Variants in SPAG17 observed in about 807,000 individuals in gnomAD.
SPAG17 encodes sperm-associated antigen 17.
A neutral mutation model predicts 273.6 loss-of-function variants in SPAG17; 169 were observed. The ratio of observed to expected loss-of-function variants is 0.62; its 90% CI spans 0.55 to 0.70. SPAG17 has a LOEUF of 0.70. Ranked by LOEUF, SPAG17 falls within the 30% of genes least tolerant of loss-of-function variation. The pLI is 0.00. For missense variants in SPAG17, 2,557 were observed against 2,627.8 expected (o/e 0.97, Z 0.59); for synonymous variants, 825 against 873.2 (o/e 0.94, Z 0.97).
intron 3 of SPAG17, among the ~76,000 whole-genome samples, chr1:118,117,775 A>G (rs910874002): frequency 6.6e-6 from 1 of 152,226 alleles, no homozygotes; most frequent in Admixed American, 6.5e-5. Context: ...CCCTGGCACC[A>G]CTAGGAATGG....
intron 1 of SPAG17, among the ~76,000 whole-genome samples, chr1:118,152,220 C>G (rs1347291385): frequency 2.0e-5 from 3 of 152,024 alleles, no homozygotes; most frequent in Non-Finnish European, 1.5e-5. Flanking sequence ...GTCATGTGAC[C>G]TCTCTGGGGC....
At position 118,122,153 on chromosome 1, in the gene SPAG17, C is replaced by CTG. The variant is rs34125128; in HGVS notation, c.316-6714_316-6713dup. ...ATTGCCCCAATGTGTGTCTGTGTGT[C>CTG]TGTGTGTGTGTGTGTGTGTGTGTGT... On this transcript the variant is annotated intron_variant, in intron 3 of 48. Coordinates refer to ENST00000336338, the MANE Select transcript of SPAG17 (RefSeq NM_206996.4). Among the ~76,000 whole-genome samples, 455 of 149,256 alleles carry CTG rather than the reference C, an allele frequency of 3.0e-3. 1 individual carries two copies. The highest frequency in any genetic ancestry group is 0.017 in the Middle Eastern group (5 of 288).
chr1:118,111,212 T>C (rs1223179813), intron 4 of SPAG17, among the ~76,000 whole-genome samples: 5 of 152,152 alleles, frequency 3.3e-5, no homozygotes, highest in Admixed American at 1.3e-4. Context: ...TTTTCATTAA[T>C]TAAAAGCAAG....
chr1:117,988,580 A>G (rs1199326557), intron 38 of SPAG17, among the ~76,000 whole-genome samples: 1 of 152,186 alleles, frequency 6.6e-6, no homozygotes, highest in African/African-American at 2.4e-5. Context: ...ATCTAAGAAC[A>G]TGATTATAAG....
chr1:117,969,719 A>G (rs1051664011), intron 46 of SPAG17, among the ~76,000 whole-genome samples: 2 of 152,228 alleles, frequency 1.3e-5, no homozygotes, highest in Non-Finnish European at 2.9e-5. Flanking sequence ...TTCACTTCGC[A>G]TAAGGATTTA....
At chr1:118,095,456 G>A (rs557903597) in intron 7 of SPAG17, among the ~76,000 whole-genome samples, 3 of 152,318 alleles carry the variant, frequency 2.0e-5, no homozygotes, top group African/African-American at 7.2e-5. Flanking sequence ...TTATGGTTCA[G>A]GGATTATAAG....
intron 20 of SPAG17, among the ~76,000 whole-genome samples, chr1:118,053,682 T>C (rs1387318906): frequency 6.6e-6 from 1 of 152,012 alleles, no homozygotes; most frequent in Admixed American, 6.6e-5. Flanking sequence ...AAAATATATA[T>C]GTATATCTCA....
chr1:117,998,225 T>C (rs548178748), intron 32 of SPAG17, among the ~76,000 whole-genome samples: 14 of 152,300 alleles, frequency 9.2e-5, no homozygotes, highest in Admixed American at 5.9e-4. Context: ...TTGAGACAAT[T>C]GTTGTATATG....
At chr1:118,045,626 C>G (rs1256319155) in intron 20 of SPAG17, among the ~76,000 whole-genome samples, 1 of 152,168 alleles carries the variant, frequency 6.6e-6, no homozygotes, top group Admixed American at 6.5e-5. Flanking sequence ...CATAAGCTTT[C>G]TAGCTAGTTA....
At position 117,955,260 on chromosome 1, in the gene SPAG17, C is replaced by A. The variant is rs1292985673; in HGVS notation, c.*1-1211G>T. The A allele has an allele frequency of 3.4e-6, 5 of 1,490,354 alleles. No individual in the cohort carries two copies. The Admixed American group carries it at 9.5e-5, about 28-fold the overall frequency. The allele number at this position is 1,490,354 out of a possible 1,614,324, so 92.3% of individuals were successfully genotyped here. A position where few individuals can be genotyped will look rare whatever the true frequency, so the allele number is the denominator to read the frequency against. ...TTTATAGGAGATAGAAATTAGAGAA[C>A]TTTAGTAGAAACCAACCAAGAGTAT... On this transcript the variant is annotated intron_variant, in intron 48 of 48. Transcript: ENST00000336338.
At chr1:118,040,665 G>GC in intron 22 of SPAG17, 65 bp downstream of exon 22, 1 of 1,075,522 alleles carries the variant, frequency 9.3e-7, no homozygotes, top group African/African-American at 1.5e-5. Context: ...GGAGTAGAGG[G>GC]CCCCTGGTTA....
intron 4 of SPAG17, among the ~76,000 whole-genome samples, chr1:118,103,402 C>T (rs1030219963): frequency 2.6e-5 from 4 of 152,140 alleles, no homozygotes; most frequent in African/African-American, 9.7e-5. Context: ...TTCATTCATT[C>T]AGTGAATATT....
intron 3 of SPAG17, among the ~76,000 whole-genome samples, chr1:118,130,732 C>T (rs1658011784): frequency 6.6e-6 from 1 of 152,148 alleles, no homozygotes; most frequent in African/African-American, 2.4e-5. Context: ...GAGGCCATGT[C>T]CAACATGGTT....
chr1:117,990,539 T>G (rs901149230), intron 38 of SPAG17, among the ~76,000 whole-genome samples: 11 of 152,232 alleles, frequency 7.2e-5, no homozygotes, highest in African/African-American at 2.7e-4. Flanking sequence ...GGCTGTTGGT[T>G]GGTTGACTGT....
At chr1:118,053,275 G>C (rs568484775) in intron 20 of SPAG17, among the ~76,000 whole-genome samples, 7 of 151,978 alleles carry the variant, frequency 4.6e-5, no homozygotes, top group African/African-American at 1.7e-4. Flanking sequence ...GAAACCGGAG[G>C]CTTACCAAAA....
intron 4 of SPAG17, among the ~76,000 whole-genome samples, chr1:118,111,553 A>AACACACACACACACACACACAC (rs61266210): frequency 1.0e-4 from 14 of 135,924 alleles, no homozygotes; most frequent in African/African-American, 2.5e-4. Context: ...CTTTTAAAAC[A>AACACACACACACACACACACAC]ACACACACAC....
chr1:118,083,418 C>T (rs565750862), intron 13 of SPAG17, among the ~76,000 whole-genome samples: 1 of 152,138 alleles, frequency 6.6e-6, no homozygotes, highest in Non-Finnish European at 1.5e-5. Context: ...TGGAATAGTC[C>T]ACTTGAGGGG....
chr1:118,065,827 C>CA (rs900295532), intron 18 of SPAG17, among the ~76,000 whole-genome samples: 44 of 143,854 alleles, frequency 3.1e-4, no homozygotes, highest in East Asian at 4.0e-4. Flanking sequence ...AATCCTAGAG[C>CA]AAAAAAAAAA....
chr1:117,983,822 T>A lies in SPAG17; in HGVS notation c.5861A>T (p.Asp1954Val). 1 of 1,607,606 alleles carries A rather than the reference T, an allele frequency of 6.2e-7. No individual in the cohort carries two copies. Among genetic ancestry groups the A allele is most frequent in the South Asian group, 1.1e-5 (1 of 90,680 alleles). The change falls in exon 42 of 49, where the codon GAT becomes GTT. Residue 1954 changes from aspartate (D) to valine (V), a missense_variant. Asp to Val is a radical substitution (Grantham distance 152). Coordinates refer to ENST00000336338, the MANE Select transcript of SPAG17 (RefSeq NM_206996.4). ...TGCTAACATATTACCTAGATTAAGA[T>A]CAGATGTATCTTGAACAGCTGTTTC... ...ANETAVQDTS[D>V]LNLDFKPHKV...
Sources: allele counts gnomAD v4.1 joint callset (sites outside exome capture counted in the v4.1 genomes callset), GRCh38; gene constraint gnomAD v4.1.1; transcripts MANE v1.5; gene names NCBI Gene and HGNC (gene_info 2026-07-23, HGNC 2026-07-21).